The following TKT variants were observed in gnomAD, a reference collection of about 807,000 sequenced individuals.
The protein encoded by TKT is epididymis luminal protein 107.
A neutral mutation model predicts 63.9 loss-of-function variants in TKT; 47 were observed. The ratio of observed to expected loss-of-function variants is 0.74; its 90% CI spans 0.58 to 0.94. TKT has a LOEUF of 0.94. Ranked by LOEUF, TKT falls within the 40% of genes least tolerant of loss-of-function variation. The pLI, the probability that TKT is intolerant of heterozygous loss-of-function variation, is 0.00. For synonymous variants in TKT, 338 were observed against 334.1 expected (o/e 1.01, Z -0.13); for missense variants, 721 against 846.2 (o/e 0.85, Z 1.84).
chr3:53,249,133 A>G (rs1705642670), intron 1 of TKT, among the ~76,000 whole-genome samples: 1 of 149,666 alleles, frequency 6.7e-6, no homozygotes, highest in Non-Finnish European at 1.5e-5. Flanking sequence ...TGCCCGACTC[A>G]TTTTTTTTGT....
chr3:53,240,753 C>A (rs541781320), intron 3 of TKT, among the ~76,000 whole-genome samples: 41 of 152,202 alleles, frequency 2.7e-4, no homozygotes, highest in Non-Finnish European at 5.3e-4. Flanking sequence ...CCAGATGGCA[C>A]CCCAAGGAAC....
intron 1 of TKT, chr3:53,243,645 T>C (rs1289686540): frequency 2.2e-6 from 1 of 456,274 alleles, no homozygotes; most frequent in Non-Finnish European, 4.4e-6. Context: ...GGGGAGGACA[T>C]GGTAAACGAG....
chr3:53,225,769 A>T lies in TKT; in HGVS notation c.1859T>A (p.Ile620Asn). The T allele has an allele frequency of 6.2e-7, 1 of 1,612,844 alleles. No individual in the cohort carries two copies. The highest frequency in any genetic ancestry group is 1.1e-5 in the South Asian group (1 of 90,900). The change falls in exon 14 of 14, where the codon ATC (isoleucine) becomes AAC (asparagine). Residue 620 changes from isoleucine to asparagine, a missense_variant. Coordinates refer to ENST00000462138, the MANE Select transcript of TKT (RefSeq NM_001064.4). ...TTCATACCCGCCCTAGGCCTTGGTG[A>T]TGAGGCCCCTCACAGCTTGTGCAAT... ...DAIAQAVRGL[I>N]TKA
At chr3:53,226,687 G>A (rs991595746) in intron 13 of TKT, 69 bp downstream of exon 13, 16 of 1,608,470 alleles carry the variant, frequency 9.9e-6, no homozygotes, top group East Asian at 4.5e-5. Flanking sequence ...TCAGATAGAA[G>A]AGGCACGTCC....
At chr3:53,241,995 C>T (rs1320676505) in intron 2 of TKT, 130 bp downstream of exon 2, 3 of 810,974 alleles carry the variant, frequency 3.7e-6, no homozygotes, top group Middle Eastern at 3.3e-4. Flanking sequence ...GAGGCCAGGA[C>T]GAGCAGGGAG....
At chr3:53,237,495 TACACACACACACACAC>T (rs3075727) in intron 4 of TKT, among the ~76,000 whole-genome samples, 113 of 144,896 alleles carry the variant, frequency 7.8e-4, no homozygotes, top group African/African-American at 2.4e-3. Context: ...TTTTATATTA[TACACACACACACACAC>T]ACACACACAC....
intron 1 of TKT, among the ~76,000 whole-genome samples, chr3:53,249,184 T>TG (rs76883356): frequency 1 from 151,785 of 151,788 alleles, 75,891 homozygotes; most frequent in Middle Eastern, 1. Flanking sequence ...TTGGCTGGGC[T>TG]GTCTCGAACT....
In TKT at chr3:53,240,250, C is replaced by T. The variant is rs782057177; in HGVS notation, c.437+1G>A. ...TTGGGGGTGGGGAGTAGGTGTGTTA[C>T]CTGGCCTTGTCGAAGTATTTGCCGG... On this transcript the variant is annotated splice_donor_variant, in intron 4 of 13. Coordinates refer to ENST00000462138, the MANE Select transcript of TKT (RefSeq NM_001064.4). LOFTEE classifies it high-confidence loss of function. 1 of 1,611,822 alleles carries T rather than the reference C, an allele frequency of 6.2e-7. No homozygotes were observed. Among genetic ancestry groups the T allele is most frequent in the Non-Finnish European group, 8.5e-7 (1 of 1,178,438 alleles).
At chr3:53,254,208 G>A (rs13101181) in intron 1 of TKT, among the ~76,000 whole-genome samples, 46,192 of 152,130 alleles carry the variant, frequency 0.3, 8,015 homozygotes, top group Admixed American at 0.46. Context: ...CTAGACCTCA[G>A]ACCCCCTGAA....
intron 10 of TKT, 94 bp from the exon 11 acceptor site, chr3:53,228,453 A>AAGGGATG: frequency 7.1e-7 from 1 of 1,413,706 alleles, no homozygotes; most frequent in Non-Finnish European, 9.9e-7. Context: ...TTCCCATGGG[A>AAGGGATG]GCGTTAGTTA....
chr3:53,239,087 T>C (rs1488855577), intron 4 of TKT, among the ~76,000 whole-genome samples: 2 of 152,190 alleles, frequency 1.3e-5, no homozygotes, highest in African/African-American at 2.4e-5. Flanking sequence ...CAAGATCTGA[T>C]GGTTTTAAAA....
chr3:53,246,951 T>C (rs1705534975), intron 1 of TKT, among the ~76,000 whole-genome samples: 1 of 152,090 alleles, frequency 6.6e-6, no homozygotes, highest in Admixed American at 6.6e-5. Flanking sequence ...AGGGACCCAC[T>C]GTAGTTCCAA....
At chr3:53,232,695 G>A (rs898246871) in intron 6 of TKT, 1 of 398,644 alleles carries the variant, frequency 2.5e-6, no homozygotes, top group Non-Finnish European at 4.4e-6. Context: ...GCCCACACAG[G>A]CCTTGCTCAG....
In TKT at chr3:53,229,377, A is replaced by G. The variant is rs1553676438; in HGVS notation, c.1167T>C (p.Phe389=). 3 of 1,613,238 alleles carry G rather than the reference A, an allele frequency of 1.9e-6. No individual in the cohort carries two copies. The South Asian group carries it at 3.3e-5, about 18-fold the overall frequency. ...CAAAGGCCCGCGTGAAGAAGGCTGC[A>G]AAAGTGCTGCAGAAGGGCACCGTCC... ...RNRTVPFCST[F]AAFFTRAFDQ... is the part of the protein sequence containing the mutation. Residue 389 remains phenylalanine, a synonymous_variant, in exon 9 of 14, where the codon TTT becomes TTC. Transcript: ENST00000462138.
chr3:53,251,201 A>T (rs1553681609), intron 1 of TKT, among the ~76,000 whole-genome samples: 1 of 152,056 alleles, frequency 6.6e-6, no homozygotes, highest in Non-Finnish European at 1.5e-5. Context: ...CCCTGGGGGG[A>T]CTTGTTGAAA....
At chr3:53,237,154 T>C (rs1309655608) in intron 4 of TKT, among the ~76,000 whole-genome samples, 1 of 151,832 alleles carries the variant, frequency 6.6e-6, no homozygotes, top group Non-Finnish European at 1.5e-5. Flanking sequence ...GAGGCTGAAG[T>C]AGGGAGATGA....
chr3:53,238,944 C>T (rs782067965), intron 4 of TKT, among the ~76,000 whole-genome samples: 3 of 152,248 alleles, frequency 2.0e-5, no homozygotes, highest in Admixed American at 6.5e-5. Context: ...TGGTTAGGCT[C>T]TGGGTCCCCA....
Position 53,226,792 on chromosome 3 carries a change from C to T in TKT, c.1660G>A (p.Gly554Ser). 4 of 1,614,184 alleles carry T rather than the reference C, an allele frequency of 2.5e-6. No homozygotes were observed. Among genetic ancestry groups the T allele is most frequent in the Non-Finnish European group, 2.5e-6 (3 of 1,180,032 alleles). ...TGGTCCTCCACGGTGAGGATCCTGC[C>T]CTTGGTGGCACGAGCGCTGTCGAGA... The part of the protein sequence containing the change: ...LILDSARATK[G>S]RILTVEDHYY... The change falls in exon 13 of 14, where the codon GGC becomes AGC. Residue 554 changes from glycine (G) to serine (S), a missense_variant. By Grantham distance (56) the Gly-to-Ser change is moderately conservative. Transcript: ENST00000462138.
At chr3:53,227,103 T>C (rs782286177) in intron 12 of TKT, 30 of 539,670 alleles carry the variant, frequency 5.6e-5, no homozygotes, top group Non-Finnish European at 9.7e-5. Context: ...TTGCCCGCAG[T>C]ATCCAAGAAC....
Sources: gnomAD v4.1 joint callset for allele counts (sites outside exome capture counted in the v4.1 genomes callset) on GRCh38, gnomAD v4.1.1 for gene constraint, MANE v1.5 for transcripts, NCBI Gene and HGNC (gene_info 2026-07-23, HGNC 2026-07-21) for gene names.